TANC1: variants seen among roughly 807,000 people sequenced by gnomAD.
The protein encoded by TANC1 is protein TANC1.
A neutral mutation model predicts 149.7 loss-of-function variants in TANC1; 77 were observed. The observed-to-expected ratio is 0.51, with a 90% CI of 0.43 to 0.62. The LOEUF is 0.62. Ranked by LOEUF, TANC1 falls within the 20% of genes least tolerant of loss-of-function variation. The pLI is 0.00. For missense variants in TANC1, 1,985 were observed against 2,321.8 expected (o/e 0.85, Z 2.98); for synonymous variants, 854 against 925.0 (o/e 0.92, Z 1.39).
intron 2 of TANC1, among the ~76,000 whole-genome samples, chr2:159,044,630 A>T (rs1018998645): frequency 6.6e-6 from 1 of 151,996 alleles, no homozygotes; most frequent in Non-Finnish European, 1.5e-5. Flanking sequence ...AGCTTGGAAG[A>T]CTGGCTATTT....
intron 3 of TANC1, among the ~76,000 whole-genome samples, chr2:159,091,359 A>T (rs1225951719): frequency 1.3e-5 from 2 of 152,224 alleles, no homozygotes; most frequent in Non-Finnish European, 2.9e-5. Context: ...TATATGTATA[A>T]TGCACCCAGA....
At chr2:159,087,975 G>C (rs955361291) in intron 3 of TANC1, among the ~76,000 whole-genome samples, 6 of 150,950 alleles carry the variant, frequency 4.0e-5, no homozygotes, top group Admixed American at 4.0e-4. Flanking sequence ...GGAATATCAA[G>C]GATTGCTGAC....
At chr2:159,194,635 CTT>C (rs1338509070) in intron 17 of TANC1, 142 bp downstream of exon 17, 5 of 737,822 alleles carry the variant, frequency 6.8e-6, no homozygotes, top group African/African-American at 1.7e-5. Context: ...GGATTGGTCA[CTT>C]TGTAATGTGG....
chr2:159,025,410 G>C (rs1186188450), intron 2 of TANC1, among the ~76,000 whole-genome samples: 2 of 151,912 alleles, frequency 1.3e-5, no homozygotes, highest in East Asian at 3.9e-4. Context: ...CTCATTCTGC[G>C]TAACTGCAAC....
chr2:159,108,211 C>T (rs758272274), intron 4 of TANC1, among the ~76,000 whole-genome samples: 1 of 152,224 alleles, frequency 6.6e-6, no homozygotes, highest in Non-Finnish European at 1.5e-5. Context: ...TCCAGCCTCC[C>T]TCTTAGGGCT....
At chr2:159,076,057 T>C (rs1449775034) in intron 3 of TANC1, among the ~76,000 whole-genome samples, 4 of 152,240 alleles carry the variant, frequency 2.6e-5, no homozygotes, top group Admixed American at 2.0e-4. Context: ...TTCTTTGAGA[T>C]TGGTAGACCT....
At chr2:159,196,474 C>A in intron 17 of TANC1, 134 bp from the exon 18 acceptor site, 1 of 683,800 alleles carries the variant, frequency 1.5e-6, no homozygotes, top group Non-Finnish European at 2.4e-6. Context: ...CCATGTTCTC[C>A]AGAAAGACAA....
At chr2:159,116,081 CAG>C (rs1161388313) in intron 4 of TANC1, among the ~76,000 whole-genome samples, 1 of 152,080 alleles carries the variant, frequency 6.6e-6, no homozygotes, top group African/African-American at 2.4e-5. Context: ...GATTTTGAAA[CAG>C]GGCATCTGAC....
intron 2 of TANC1, among the ~76,000 whole-genome samples, chr2:159,016,820 C>T (rs567964084): frequency 1.4e-3 from 218 of 152,174 alleles, no homozygotes; most frequent in Non-Finnish European, 2.1e-3. Context: ...GTGATCTGCC[C>T]GCCTTGGCCT....
intron 16 of TANC1, among the ~76,000 whole-genome samples, chr2:159,188,923 G>A (rs111531184): frequency 1.3e-4 from 20 of 152,326 alleles, no homozygotes; most frequent in African/African-American, 3.8e-4. Flanking sequence ...AAATCTATAG[G>A]ATGAATCATT....
rs778787433 is a variant in TANC1 at position 159,230,797 on chromosome 2, A to AGTGCAAGTGTCCACAATGGG, written c.5373_5392dup (p.Ala1798ValfsTer10). 2 of 1,614,216 alleles carry AGTGCAAGTGTCCACAATGGG rather than the reference A, an allele frequency of 1.2e-6. No homozygotes were observed. The highest frequency in any genetic ancestry group is 1.7e-6 in the Non-Finnish European group (2 of 1,180,028). ...CAAAACCTGTTCTGTTTCTACCCTGAGTGCAAGTGTCCACAATGGGGCACA... is the reference window on the plus strand; with the variant it reads ...CAAAACCTGTTCTGTTTCTACCCTGAGTGCAAGTGTCCACAATGGGGTGCAAGTGTCCACAATGGGGCACA... On this transcript the variant is annotated frameshift_variant, in exon 27 of 27. Coordinates refer to ENST00000263635, the MANE Select transcript of TANC1 (RefSeq NM_033394.3). LOFTEE classifies it high-confidence loss of function. The surrounding 1 kb of genome is among the most constrained non-coding windows in gnomAD (Gnocchi z 4.4).
intron 1 of TANC1, among the ~76,000 whole-genome samples, chr2:158,990,225 A>C (rs998869030): frequency 8.5e-5 from 13 of 152,170 alleles, no homozygotes; most frequent in African/African-American, 3.1e-4. Flanking sequence ...CGTGAGCCAC[A>C]GCACCCGGCC....
chr2:158,969,423 A>T (rs2032494489), intron 1 of TANC1, among the ~76,000 whole-genome samples: 2 of 151,936 alleles, frequency 1.3e-5, no homozygotes, highest in South Asian at 4.2e-4. Flanking sequence ...GGTGGGGGTG[A>T]GTTAGGATTA....
intron 20 of TANC1, among the ~76,000 whole-genome samples, chr2:159,218,105 A>G (rs973134845): frequency 6.6e-6 from 1 of 152,020 alleles, no homozygotes; most frequent in Non-Finnish European, 1.5e-5. Flanking sequence ...TTACTATGAA[A>G]TGATGTATTG....
chr2:159,133,791 C>T (rs942562387), intron 4 of TANC1, among the ~76,000 whole-genome samples: 8 of 152,026 alleles, frequency 5.3e-5, no homozygotes, highest in Admixed American at 3.9e-4. Context: ...TTATGAAGAC[C>T]GCCAAGTGAT....
chr2:159,187,688 G>A (rs562435575), intron 16 of TANC1, among the ~76,000 whole-genome samples: 16 of 152,162 alleles, frequency 1.1e-4, no homozygotes, highest in Non-Finnish European at 2.2e-4. Flanking sequence ...AGGCCCTGAT[G>A]TACCCGGCTG....
intron 16 of TANC1, 90 bp downstream of exon 16, chr2:159,187,114 G>T: frequency 6.7e-7 from 1 of 1,498,804 alleles, no homozygotes; most frequent in Admixed American, 2.0e-5. Flanking sequence ...TCTGCCCTGG[G>T]TGGTGGTGAG....
intron 4 of TANC1, among the ~76,000 whole-genome samples, chr2:159,127,319 C>A (rs6747831): frequency 6.6e-6 from 1 of 152,126 alleles, no homozygotes; most frequent in East Asian, 1.9e-4. Flanking sequence ...AACAGATGCT[C>A]GTGAGGCTGT....
chr2:159,180,871 G>T (rs2056398985), intron 14 of TANC1, among the ~76,000 whole-genome samples: 1 of 152,162 alleles, frequency 6.6e-6, no homozygotes, highest in African/African-American at 2.4e-5. Flanking sequence ...GAGGCAGGAG[G>T]TGATATGCGA....
Sources: gnomAD v4.1 joint callset for allele counts (sites outside exome capture counted in the v4.1 genomes callset) on GRCh38, gnomAD v4.1.1 for gene constraint, Gnocchi (gnomAD v3.1) non-coding constraint, MANE v1.5 for transcripts, NCBI Gene and HGNC (gene_info 2026-07-23, HGNC 2026-07-21) for gene names.